Variants in MMP16 observed in about 807,000 individuals in gnomAD.
MMP16 encodes the protein matrix metalloproteinase-16.
In MMP16, 12 loss-of-function variants were observed where a neutral mutation model predicts 67.8. The ratio of observed to expected loss-of-function variants is 0.18; its 90% CI spans 0.11 to 0.29. The LOEUF (loss-of-function observed/expected upper bound fraction) is 0.29. MMP16 is among the 10% of genes least tolerant of loss of function. The pLI is 1.00. For missense variants in MMP16, 475 were observed against 765.7 expected (o/e 0.62, Z 4.48); for synonymous variants, 249 against 255.9 (o/e 0.97, Z 0.26).
intron 1 of MMP16, among the ~76,000 whole-genome samples, chr8:88,285,998 C>T (rs58905135): frequency 0.024 from 3,659 of 152,266 alleles, 149 homozygotes; most frequent in African/African-American, 0.083. Context: ...ACTCCTAACC[C>T]ACTCCATTTG....
At chr8:88,291,270 C>T (rs2130018717) in intron 1 of MMP16, among the ~76,000 whole-genome samples, 1 of 152,226 alleles carries the variant, frequency 6.6e-6, no homozygotes, top group Admixed American at 6.5e-5. Flanking sequence ...AACAGAGTCA[C>T]ACCCAGTCTC....
intron 1 of MMP16, among the ~76,000 whole-genome samples, chr8:88,294,522 G>GTATATATGTCTCTATACACATATATGTA (rs149744287): frequency 1.6e-4 from 24 of 150,542 alleles, no homozygotes; most frequent in Non-Finnish European, 2.7e-4. Context: ...ACACACACAT[G>GTATATATGTCTCTATACACATATATGTA]TATATGTCTC....
intron 4 of MMP16, among the ~76,000 whole-genome samples, chr8:88,149,824 C>T (rs1203105076): frequency 2.0e-4 from 30 of 151,404 alleles, no homozygotes; most frequent in African/African-American, 6.8e-4. Context: ...TCCAAAGGAA[C>T]GCAGTTCCTC....
chr8:88,310,133 G>C (rs1811273330), intron 1 of MMP16, among the ~76,000 whole-genome samples: 1 of 151,656 alleles, frequency 6.6e-6, no homozygotes, highest in Non-Finnish European at 1.5e-5. Flanking sequence ...CTAGAACAAA[G>C]TTATTTTCCT....
chr8:88,088,050 AT>A (rs369137511), intron 6 of MMP16, among the ~76,000 whole-genome samples: 14 of 2,826 alleles, frequency 5.0e-3, no homozygotes, highest in East Asian at 0.012. Context: ...ATAGATATCT[AT>A]TATATCTATA....
At chr8:88,211,739 A>C (rs1209627639) in intron 1 of MMP16, among the ~76,000 whole-genome samples, 1 of 152,092 alleles carries the variant, frequency 6.6e-6, no homozygotes, top group Non-Finnish European at 1.5e-5. Context: ...GTGGCTCTAT[A>C]TTCTTTCAAT....
chr8:88,125,755 G>A (rs1020923715), intron 4 of MMP16, among the ~76,000 whole-genome samples: 12 of 151,720 alleles, frequency 7.9e-5, no homozygotes, highest in African/African-American at 2.2e-4. Flanking sequence ...TTTTGTTTCC[G>A]ATTGAGCTCA....
chr8:88,276,240 T>C (rs1452725768), intron 1 of MMP16, among the ~76,000 whole-genome samples: 1 of 152,092 alleles, frequency 6.6e-6, no homozygotes, highest in African/African-American at 2.4e-5. Context: ...AAGTATACCT[T>C]ACATTGCAAA....
rs531508216 is a variant in MMP16, at chr8:88,056,124, T to C, written c.1373+4A>G. ...TGTTTTTCTCATGAGAAGTGTATACTGACCTGTCTCCCTTGAAGAAATAGG... is the reference window on the plus strand; with the variant it reads ...TGTTTTTCTCATGAGAAGTGTATACCGACCTGTCTCCCTTGAAGAAATAGG... On this transcript the variant is annotated splice_donor_region_variant and intron_variant, in intron 8 of 9. Transcript: ENST00000286614. The C allele has an allele frequency of 3.2e-6, 5 of 1,540,508 alleles. No homozygotes were observed. The African/African-American group carries it at 6.9e-5, about 21-fold the overall frequency.
intron 1 of MMP16, among the ~76,000 whole-genome samples, chr8:88,244,492 A>G (rs1810080532): frequency 6.6e-6 from 1 of 152,182 alleles, no homozygotes; most frequent in South Asian, 2.1e-4. Flanking sequence ...CCTTTCCTTC[A>G]TAATACATGT....
intron 1 of MMP16, among the ~76,000 whole-genome samples, chr8:88,291,272 C>G (rs1301854846): frequency 6.6e-6 from 1 of 151,980 alleles, no homozygotes; most frequent in Non-Finnish European, 1.5e-5. Flanking sequence ...CAGAGTCACA[C>G]CCAGTCTCTA....
chr8:88,053,782 T>A (rs1333319679), intron 8 of MMP16, among the ~76,000 whole-genome samples: 1 of 152,138 alleles, frequency 6.6e-6, no homozygotes, highest in East Asian at 1.9e-4. Context: ...TTATAAAACA[T>A]CTATAACTCA....
At chr8:88,185,327 T>C (rs536802620) in intron 3 of MMP16, among the ~76,000 whole-genome samples, 1 of 152,086 alleles carries the variant, frequency 6.6e-6, no homozygotes, top group South Asian at 2.1e-4. Context: ...GGCATGGTGG[T>C]GCATGCCTGT....
At chr8:88,144,206 C>T (rs959126460) in intron 4 of MMP16, among the ~76,000 whole-genome samples, 5 of 151,792 alleles carry the variant, frequency 3.3e-5, no homozygotes, top group Admixed American at 6.6e-5. Context: ...GTCACTGTCC[C>T]GAATGAGTAA....
intron 4 of MMP16, among the ~76,000 whole-genome samples, chr8:88,154,741 T>G (rs373726268): frequency 0.082 from 12,067 of 147,036 alleles, 674 homozygotes; most frequent in Non-Finnish European, 0.12. Context: ...CGGGGAGGGA[T>G]AGCATTGGGA....
At chr8:88,159,968 A>G (rs967985858) in intron 4 of MMP16, among the ~76,000 whole-genome samples, 5 of 149,188 alleles carry the variant, frequency 3.4e-5, no homozygotes, top group African/African-American at 7.4e-5. Flanking sequence ...AAATTATTTT[A>G]TTTTATTTTA....
At position 88,108,891 on chromosome 8, in the gene MMP16, TGTAAA is replaced by T. The variant is rs1238265620; in HGVS notation, c.1083+7611_1083+7615del. On this transcript the variant is annotated intron_variant, in intron 6 of 9. Coordinates refer to ENST00000286614, the MANE Select transcript of MMP16 (RefSeq NM_005941.5). ...GATTTCCATCATTAAAGTTGTCTAT[TGTAAA>T]GTAAAGTTGTGTGTTGTAAAGTCTG... Among the ~76,000 whole-genome samples, 5 of 151,444 alleles carry T rather than the reference TGTAAA, an allele frequency of 3.3e-5. No individual in the cohort carries two copies. The South Asian group carries it at 8.3e-4, about 25-fold the overall frequency.
chr8:88,101,237 T>C (rs1474844202), intron 6 of MMP16, among the ~76,000 whole-genome samples: 1 of 151,854 alleles, frequency 6.6e-6, no homozygotes, highest in East Asian at 1.9e-4. Context: ...GCTTTTACCA[T>C]AAGGTAGTAT....
chr8:88,250,122 T>C (rs1056289555), intron 1 of MMP16, among the ~76,000 whole-genome samples: 4 of 152,074 alleles, frequency 2.6e-5, no homozygotes, highest in Admixed American at 6.6e-5. Flanking sequence ...ATCCCATTTG[T>C]AAATTATACT....
Sources: allele counts gnomAD v4.1 joint callset (sites outside exome capture counted in the v4.1 genomes callset), GRCh38; gene constraint gnomAD v4.1.1; transcripts MANE v1.5; gene names NCBI Gene and HGNC (gene_info 2026-07-23, HGNC 2026-07-21).